Variants in TMEM117 observed in about 807,000 individuals in gnomAD.
TMEM117 encodes the protein transmembrane protein 117.
A neutral mutation model predicts 52.4 loss-of-function variants in TMEM117; 27 were observed. The ratio of observed to expected loss-of-function variants is 0.51; its 90% CI spans 0.38 to 0.71. The LOEUF is 0.71. Among genes scored for constraint, TMEM117 ranks in the 30% least tolerant of loss-of-function variants. TMEM117 has a pLI of 0.00. For missense variants in TMEM117, 556 were observed against 630.5 expected (o/e 0.88, Z 1.26); for synonymous variants, 215 against 206.3 (o/e 1.04, Z -0.36).
At chr12:43,836,859 C>A (rs1269384814) in intron 1 of TMEM117, among the ~76,000 whole-genome samples, 5 of 151,142 alleles carry the variant, frequency 3.3e-5, no homozygotes, top group Non-Finnish European at 4.4e-5. Context: ...TTATCAGGAA[C>A]CAAAAAGGAA....
chr12:44,200,034 G>A (rs7306362), intron 4 of TMEM117, among the ~76,000 whole-genome samples: 1 of 151,952 alleles, frequency 6.6e-6, no homozygotes, highest in Non-Finnish European at 1.5e-5. Context: ...AGGAGAATCG[G>A]CTTGAACCCT....
intron 3 of TMEM117, among the ~76,000 whole-genome samples, chr12:44,121,820 T>C (rs1340105957): frequency 6.6e-6 from 1 of 152,120 alleles, no homozygotes. Context: ...ATAAGCATAG[T>C]ACCCGATAGT....
At chr12:44,129,770 A>T (rs956180813) in intron 3 of TMEM117, among the ~76,000 whole-genome samples, 2 of 152,222 alleles carry the variant, frequency 1.3e-5, no homozygotes, top group Non-Finnish European at 2.9e-5. Flanking sequence ...ATGCAGAAAG[A>T]TATTTAAACT....
At chr12:43,811,876 C>T in the TMEM117 span, among the ~76,000 whole-genome samples, 1 of 152,152 alleles carries the variant, frequency 6.6e-6, no homozygotes, top group African/African-American at 2.4e-5. Flanking sequence ...ATAAAAGCAG[C>T]TAAATATGCC....
intron 6 of TMEM117, among the ~76,000 whole-genome samples, chr12:44,335,874 T>C (rs977645641): frequency 6.6e-6 from 1 of 152,024 alleles, no homozygotes; most frequent in African/African-American, 2.4e-5. Context: ...GTGACAATTC[T>C]TGCCACTAAA....
At chr12:43,870,340 A>G (rs1228966471) in intron 2 of TMEM117, among the ~76,000 whole-genome samples, 4 of 149,306 alleles carry the variant, frequency 2.7e-5, no homozygotes, top group African/African-American at 5.0e-5. Context: ...GCTAACTGCA[A>G]CCTCCGCCTC....
At position 44,313,060 on chromosome 12, in the gene TMEM117, G is replaced by T. The variant is rs541650465; in HGVS notation, c.768+13321G>T. ...GCAGATATTTTCTCCAATACTGTGA[G>T]CTGTCTGTTTACTCTGCTTTTCATT... On this transcript the variant is annotated intron_variant, in intron 6 of 7. Transcript: ENST00000266534. Among the ~76,000 whole-genome samples, 6 of 152,304 alleles carry T rather than the reference G, an allele frequency of 3.9e-5. No homozygotes were observed. The South Asian group carries it at 1.2e-3, about 32-fold the overall frequency.
chr12:44,211,840 C>T (rs1218499938), intron 5 of TMEM117, among the ~76,000 whole-genome samples: 1 of 152,128 alleles, frequency 6.6e-6, no homozygotes, highest in African/African-American at 2.4e-5. Context: ...AGCTCTCCAG[C>T]CCAATCTTTG....
intron 3 of TMEM117, among the ~76,000 whole-genome samples, chr12:44,122,478 G>A (rs1346593703): frequency 6.6e-6 from 1 of 152,126 alleles, no homozygotes; most frequent in Non-Finnish European, 1.5e-5. Flanking sequence ...CATGTGCCAT[G>A]GTGGTTTGCT....
chr12:44,349,732 A>G (rs1951536524), intron 6 of TMEM117, among the ~76,000 whole-genome samples: 1 of 152,066 alleles, frequency 6.6e-6, no homozygotes, highest in South Asian at 2.1e-4. Context: ...GCCTTATGGA[A>G]TAGAAAGTCA....
At chr12:43,833,643 G>A (rs1031055653), upstream of TMEM117, among the ~76,000 whole-genome samples, 1 of 152,128 alleles carries the variant, frequency 6.6e-6, no homozygotes, top group African/African-American at 2.4e-5. Flanking sequence ...AAAAAAATTA[G>A]CTAGGTGTGG....
chr12:43,886,874 G>GTC (rs1230249160), intron 2 of TMEM117, among the ~76,000 whole-genome samples: 3 of 151,964 alleles, frequency 2.0e-5, no homozygotes, highest in African/African-American at 7.3e-5. Context: ...TGGAGACAGA[G>GTC]TCTCTCTCTC....
chr12:44,031,465 T>C (rs1467779929), intron 3 of TMEM117, among the ~76,000 whole-genome samples: 1 of 152,194 alleles, frequency 6.6e-6, no homozygotes, highest in Admixed American at 6.5e-5. Context: ...CTGATAACTT[T>C]GGAAATTGTG....
chr12:43,846,185 A>G (rs1943204901), intron 2 of TMEM117, among the ~76,000 whole-genome samples: 2 of 152,112 alleles, frequency 1.3e-5, no homozygotes, highest in Admixed American at 6.5e-5. Flanking sequence ...GGATCTCTTG[A>G]TAATGACAGA....
rs184085851 is a variant in TMEM117, at chr12:44,333,697, C to G, written c.768+33958C>G. Among the ~76,000 whole-genome samples, 31 of 152,128 alleles carry G rather than the reference C, an allele frequency of 2.0e-4. 1 individual carries two copies. Among genetic ancestry groups the G allele is most frequent in the Admixed American group, 9.2e-4 (14 of 15,246 alleles). ...AACTGTGAGTCAATTAAACCTGTTT[C>G]TTTTATGAATTACCCAGTCTTGGAC... On this transcript the variant is annotated intron_variant, in intron 6 of 7. Transcript: ENST00000266534.
chr12:44,158,716 C>A (rs1291947242), intron 4 of TMEM117, among the ~76,000 whole-genome samples: 1 of 145,954 alleles, frequency 6.9e-6, no homozygotes, highest in Non-Finnish European at 1.5e-5. Flanking sequence ...TGGAAAATAA[C>A]AAACTCTAGA....
intron 2 of TMEM117, among the ~76,000 whole-genome samples, chr12:43,848,924 A>T (rs546501645): frequency 3.2e-4 from 49 of 152,184 alleles, no homozygotes; most frequent in Non-Finnish European, 5.9e-4. Context: ...ATTTGGATGA[A>T]ACTCAACAGC....
chr12:44,174,028 CT>C (rs1042201486), intron 4 of TMEM117, among the ~76,000 whole-genome samples: 99 of 151,996 alleles, frequency 6.5e-4, no homozygotes, highest in Admixed American at 5.2e-3. Flanking sequence ...TTGCTTTTAA[CT>C]TTTTTTTAAA....
intron 2 of TMEM117, among the ~76,000 whole-genome samples, chr12:43,922,685 A>G (rs980815446): frequency 1.8e-4 from 27 of 152,174 alleles, no homozygotes; most frequent in African/African-American, 6.5e-4. Context: ...AACTTCACAC[A>G]ACATAGGTAG....
Sources: allele counts gnomAD v4.1 joint callset (sites outside exome capture counted in the v4.1 genomes callset), GRCh38; gene constraint gnomAD v4.1.1; transcripts MANE v1.5; gene names NCBI Gene and HGNC (gene_info 2026-07-23, HGNC 2026-07-21).